ARHGAP10: variants seen among roughly 807,000 people sequenced by gnomAD.
ARHGAP10 encodes the protein rho GTPase-activating protein 10.
A neutral mutation model predicts 108.6 loss-of-function variants in ARHGAP10; 87 were observed. The observed-to-expected ratio is 0.80, with a 90% CI of 0.67 to 0.96. The LOEUF is 0.96. Among genes scored for constraint, ARHGAP10 ranks in the 40% least tolerant of loss-of-function variants. The pLI is 0.00. For missense variants in ARHGAP10, 939 were observed against 954.5 expected (o/e 0.98, Z 0.21); for synonymous variants, 347 against 341.1 (o/e 1.02, Z -0.19).
At chr4:147,875,276 A>G (rs1735012093) in intron 8 of ARHGAP10, 126 bp downstream of exon 8, 7 of 1,053,276 alleles carry the variant, frequency 6.6e-6, no homozygotes, top group African/African-American at 1.6e-5. Flanking sequence ...CCCTGCTCCT[A>G]TCACCTAATG....
chr4:147,877,246 A>G (rs1198640018), intron 8 of ARHGAP10, among the ~76,000 whole-genome samples: 2 of 100,750 alleles, frequency 2.0e-5, no homozygotes, highest in Non-Finnish European at 4.4e-5. Context: ...TTAGAGTTAA[A>G]TAAAATATCT....
At chr4:147,905,141 C>T (rs1381761021) in intron 10 of ARHGAP10, among the ~76,000 whole-genome samples, 2 of 152,128 alleles carry the variant, frequency 1.3e-5, no homozygotes, top group Non-Finnish European at 2.9e-5. Context: ...AGCTCTTTGT[C>T]AGATGAGTAG....
chr4:147,768,523 G>A (rs1196302451), intron 1 of ARHGAP10, among the ~76,000 whole-genome samples: 2 of 151,750 alleles, frequency 1.3e-5, no homozygotes, highest in Admixed American at 6.6e-5. Flanking sequence ...GTAATTAAAG[G>A]TTGAGATTTA....
At chr4:147,933,425 G>A (rs946263812) in intron 13 of ARHGAP10, among the ~76,000 whole-genome samples, 2 of 150,664 alleles carry the variant, frequency 1.3e-5, no homozygotes, top group African/African-American at 4.9e-5. Context: ...GACAGTGTCT[G>A]TGCATTGAGG....
At chr4:147,743,569 G>A (rs1041548266) in intron 1 of ARHGAP10, among the ~76,000 whole-genome samples, 1 of 152,054 alleles carries the variant, frequency 6.6e-6, no homozygotes, top group Admixed American at 6.5e-5. Flanking sequence ...CCTGAGGTCG[G>A]GAGTTGGAGA....
chr4:147,746,545 A>G (rs1307444368), intron 1 of ARHGAP10, among the ~76,000 whole-genome samples: 3 of 147,438 alleles, frequency 2.0e-5, no homozygotes, highest in African/African-American at 7.6e-5. Flanking sequence ...GCTTGCCACC[A>G]CTCCCCGTTA....
chr4:147,929,572 A>G (rs1281942387), intron 13 of ARHGAP10, among the ~76,000 whole-genome samples: 1 of 152,196 alleles, frequency 6.6e-6, no homozygotes, highest in African/African-American at 2.4e-5. Context: ...ACTAGTTATA[A>G]ATATATGTAA....
chr4:147,850,772 A>G (rs989958796), intron 4 of ARHGAP10, among the ~76,000 whole-genome samples: 3 of 152,202 alleles, frequency 2.0e-5, no homozygotes, highest in Non-Finnish European at 2.9e-5. Flanking sequence ...TGCCTGATGC[A>G]TCACGTCAAG....
chr4:147,852,610 C>G (rs1473604285), intron 4 of ARHGAP10, among the ~76,000 whole-genome samples: 2 of 150,368 alleles, frequency 1.3e-5, no homozygotes, highest in African/African-American at 4.9e-5. Flanking sequence ...TGAATTGAAG[C>G]AAAGCAACAC....
chr4:147,931,726 A>T (rs1737695240), intron 13 of ARHGAP10, among the ~76,000 whole-genome samples: 1 of 152,216 alleles, frequency 6.6e-6, no homozygotes, highest in African/African-American at 2.4e-5. Context: ...AGACCTTTTT[A>T]ATTAAAAAAG....
chr4:147,919,036 T>C (rs896765766), intron 13 of ARHGAP10, among the ~76,000 whole-genome samples: 16 of 152,248 alleles, frequency 1.1e-4, no homozygotes, highest in African/African-American at 3.4e-4. Context: ...CTTCCGAAGG[T>C]GGCTCAGTTC....
At chr4:147,833,739 A>AT (rs1339221408) in intron 3 of ARHGAP10, among the ~76,000 whole-genome samples, 1 of 152,150 alleles carries the variant, frequency 6.6e-6, no homozygotes, top group African/African-American at 2.4e-5. Context: ...GATTAGCAGG[A>AT]TTTTTTTGTG....
chr4:148,045,713 G>A (rs1728846286), intron 19 of ARHGAP10, among the ~76,000 whole-genome samples: 1 of 134,716 alleles, frequency 7.4e-6, no homozygotes, highest in African/African-American at 2.8e-5. Flanking sequence ...ACTCCAGCCT[G>A]GGCAGCAAGA....
chr4:147,866,502 T>G, intron 6 of ARHGAP10: 1 of 492,958 alleles, frequency 2.0e-6, no homozygotes, highest in Non-Finnish European at 3.6e-6. Context: ...ATGGCTGTGA[T>G]ATTTAAGGGA....
intron 18 of ARHGAP10, among the ~76,000 whole-genome samples, chr4:147,978,440 G>T (rs1397332305): frequency 6.6e-6 from 1 of 152,154 alleles, no homozygotes; most frequent in Non-Finnish European, 1.5e-5. Context: ...GTAATTCCCA[G>T]TGTTGAGGGA....
At chr4:147,751,636 G>C (rs181508202) in intron 1 of ARHGAP10, among the ~76,000 whole-genome samples, 2 of 152,110 alleles carry the variant, frequency 1.3e-5, no homozygotes, top group Admixed American at 6.5e-5. Flanking sequence ...TAAAGTACTG[G>C]GATTACAGGT....
At chr4:147,765,337 T>TGGGGGGGGGGGGG (rs1553947379) in intron 1 of ARHGAP10, among the ~76,000 whole-genome samples, 2 of 58,590 alleles carry the variant, frequency 3.4e-5, no homozygotes, top group African/African-American at 1.2e-4. Context: ...TGTGTGTGTG[T>TGGGGGGGGGGGGG]GGGGGGGGGG....
At chr4:147,774,202 A>G (rs1328356109) in intron 1 of ARHGAP10, among the ~76,000 whole-genome samples, 1 of 152,222 alleles carries the variant, frequency 6.6e-6, no homozygotes, top group Non-Finnish European at 1.5e-5. Context: ...GGTACATGTT[A>G]AATTCCTATA....
intron 13 of ARHGAP10, among the ~76,000 whole-genome samples, chr4:147,928,750 A>G (rs1363465858): frequency 6.6e-6 from 1 of 152,238 alleles, no homozygotes; most frequent in Non-Finnish European, 1.5e-5. Context: ...ATGGGCTTAT[A>G]GATTAAAGGC....
Sources: allele counts gnomAD v4.1 joint callset (sites outside exome capture counted in the v4.1 genomes callset), GRCh38; gene constraint gnomAD v4.1.1; transcripts MANE v1.5; gene names NCBI Gene and HGNC (gene_info 2026-07-23, HGNC 2026-07-21).